Variants in FANCC observed in about 807,000 individuals in gnomAD.
FANCC encodes FA complementation group C, also known as Fanconi anemia group C protein.
A neutral mutation model predicts 71.3 loss-of-function variants in FANCC; 55 were observed. The observed-to-expected ratio is 0.77, with a 90% CI of 0.62 to 0.97. FANCC has a LOEUF of 0.97. Among genes scored for constraint, FANCC ranks in the 50% least tolerant of loss-of-function variants. The pLI is 0.00. For missense variants in FANCC, 678 were observed against 670.9 expected, an observed-to-expected ratio of 1.01 and a Z score of -0.12; for synonymous variants, 275 against 244.9, an observed-to-expected ratio of 1.12 and a Z score of -1.15.
At chr9:95,194,334 T>C (rs1169814989) in intron 4 of FANCC, among the ~76,000 whole-genome samples, 1 of 152,164 alleles carries the variant, frequency 6.6e-6, no homozygotes, top group Non-Finnish European at 1.5e-5. Context: ...TTTGAAGATA[T>C]CATTACACTG....
At chr9:95,138,318 C>T (rs918644303) in intron 7 of FANCC, among the ~76,000 whole-genome samples, 4 of 152,168 alleles carry the variant, frequency 2.6e-5, no homozygotes, top group East Asian at 1.9e-4. Context: ...GTGGGCCAGA[C>T]GCCGTGCCTG....
Position 95,101,597 on chromosome 9 carries a change from C to T in FANCC, c.*110G>A. 4.5e-6 allele frequency: 6 copies of T among 1,336,714 alleles called. No individual in the cohort carries two copies. The highest frequency in any genetic ancestry group is 1.2e-5 in the South Asian group (1 of 81,826). 82.8% of individuals were successfully genotyped at this position (1,336,714 alleles called of 1,614,324 possible). A position where few individuals can be genotyped will look rare whatever the true frequency, so the allele number is the denominator to read the frequency against. Reference sequence around the variant, plus strand: ...AGATGTGTACAGCTCATTCTCACAGCCCAGCGAGGGCACTTACTCCACAAA... The same window carrying T: ...AGATGTGTACAGCTCATTCTCACAGTCCAGCGAGGGCACTTACTCCACAAA... On this transcript the variant is annotated 3_prime_UTR_variant, in exon 15 of 15. Coordinates refer to ENST00000289081, the MANE Select transcript of FANCC (RefSeq NM_000136.3).
chr9:95,301,493 C>A (rs894550748), intron 1 of FANCC, among the ~76,000 whole-genome samples: 1 of 151,880 alleles, frequency 6.6e-6, no homozygotes, highest in African/African-American at 2.4e-5. Flanking sequence ...AGTGGCATGA[C>A]TGATTTAGGC....
chr9:95,199,952 T>C (rs888484301), intron 4 of FANCC, among the ~76,000 whole-genome samples: 8 of 152,226 alleles, frequency 5.3e-5, no homozygotes, highest in African/African-American at 1.9e-4. Flanking sequence ...TTAGGATGAT[T>C]TATACAAGTT....
At chr9:95,294,734 G>C in intron 1 of FANCC, 1 of 1,601,046 alleles carries the variant, frequency 6.2e-7, no homozygotes, top group Non-Finnish European at 8.5e-7. Flanking sequence ...GATATGGCCT[G>C]GAACATGATG....
intron 4 of FANCC, among the ~76,000 whole-genome samples, chr9:95,218,400 G>C (rs1205356505): frequency 1.3e-5 from 2 of 152,160 alleles, no homozygotes; most frequent in Non-Finnish European, 2.9e-5. Flanking sequence ...AGGAGGTCAA[G>C]GCTGCAGTGA....
At chr9:95,232,796 A>T (rs1830089434) in intron 4 of FANCC, among the ~76,000 whole-genome samples, 1 of 152,172 alleles carries the variant, frequency 6.6e-6, no homozygotes, top group Non-Finnish European at 1.5e-5. Context: ...TTTCTCAGCT[A>T]TGTTTTGTCA....
At chr9:95,113,930 A>T (rs1267116792) in intron 12 of FANCC, 2 of 153,504 alleles carry the variant, frequency 1.3e-5, no homozygotes, top group Non-Finnish European at 2.9e-5. Context: ...CCACAAAAAA[A>T]TTTAAACATT....
intron 4 of FANCC, among the ~76,000 whole-genome samples, chr9:95,232,924 A>G (rs1325825353): frequency 6.6e-6 from 1 of 152,230 alleles, no homozygotes; most frequent in East Asian, 1.9e-4. Context: ...TCCACTTCCC[A>G]ATCTTGCAAA....
intron 4 of FANCC, among the ~76,000 whole-genome samples, chr9:95,238,071 T>A (rs748270721): frequency 6.6e-6 from 1 of 152,210 alleles, no homozygotes; most frequent in Non-Finnish European, 1.5e-5. Flanking sequence ...TCTCCGTTGC[T>A]TCTCTCCTTC....
chr9:95,308,695 T>C (rs998897419), intron 1 of FANCC, among the ~76,000 whole-genome samples: 10 of 152,142 alleles, frequency 6.6e-5, no homozygotes, highest in Non-Finnish European at 1.2e-4. Context: ...TAAATTATTT[T>C]AAAACCAAAA....
intron 4 of FANCC, among the ~76,000 whole-genome samples, chr9:95,230,281 A>T (rs1208392308): frequency 6.6e-6 from 1 of 152,150 alleles, no homozygotes; most frequent in Non-Finnish European, 1.5e-5. Context: ...CCTGGAGTGC[A>T]ATCTAACTGT....
intron 1 of FANCC, among the ~76,000 whole-genome samples, chr9:95,275,922 CAG>C: frequency 6.6e-6 from 1 of 152,198 alleles, no homozygotes; most frequent in East Asian, 1.9e-4. Flanking sequence ...ATAGCAGGAG[CAG>C]AGAGAGAAGG....
intron 7 of FANCC, among the ~76,000 whole-genome samples, chr9:95,143,746 T>C (rs1299372781): frequency 3.9e-5 from 6 of 152,196 alleles, no homozygotes; most frequent in Non-Finnish European, 8.8e-5. Context: ...TGTCATGCTG[T>C]ATTACTTATA....
intron 4 of FANCC, among the ~76,000 whole-genome samples, chr9:95,194,910 C>T (rs760424628): frequency 1.3e-5 from 2 of 152,048 alleles, no homozygotes; most frequent in Admixed American, 1.3e-4. Flanking sequence ...AGAAACTATG[C>T]CTAGTTTGGC....
At chr9:95,239,380 G>C (rs117472552) in intron 4 of FANCC, among the ~76,000 whole-genome samples, 107 of 152,294 alleles carry the variant, frequency 7.0e-4, no homozygotes, top group African/African-American at 2.5e-3. Flanking sequence ...ACAATAAAAT[G>C]TGAGGCTAGA....
chr9:95,117,364 A>C lies in FANCC; in HGVS notation c.1023T>G (p.Phe341Leu), dbSNP rs758439579. Residue 341 changes from phenylalanine (F) to leucine (L), a missense_variant, in exon 11 of 15, where the codon TTT (phenylalanine) becomes TTG (leucine). By Grantham distance (22) the Phe-to-Leu change is conservative. Transcript: ENST00000289081. Reference sequence around the variant, plus strand: ...TGGCAAGAGATGGAGAAGTGTAAGGAAAGTAGGTCTTGAGTGCAAACCGCA... The same window carrying C: ...TGGCAAGAGATGGAGAAGTGTAAGGCAAGTAGGTCTTGAGTGCAAACCGCA... ...KQLRFALKTY[F>L]PYTSPSLAMV... is the part of the protein sequence containing the mutation. 1.2e-6 allele frequency: 2 copies of C among 1,614,118 alleles called. No individual in the cohort carries two copies. The highest frequency in any genetic ancestry group is 1.1e-5 in the South Asian group (1 of 91,026).
intron 1 of FANCC, among the ~76,000 whole-genome samples, chr9:95,255,135 C>A (rs1401964199): frequency 6.6e-6 from 1 of 152,104 alleles, no homozygotes; most frequent in South Asian, 2.1e-4. Context: ...GCAGCTATAG[C>A]AGAATTAAAC....
At chr9:95,190,297 C>T (rs1035906376) in intron 4 of FANCC, among the ~76,000 whole-genome samples, 1 of 152,098 alleles carries the variant, frequency 6.6e-6, no homozygotes, top group Non-Finnish European at 1.5e-5. Context: ...GCAGCAGTGA[C>T]CCGCGTCATT....
Sources: allele counts gnomAD v4.1 joint callset (sites outside exome capture counted in the v4.1 genomes callset), GRCh38; gene constraint gnomAD v4.1.1; transcripts MANE v1.5; gene names NCBI Gene and HGNC (gene_info 2026-07-23, HGNC 2026-07-21).